The following FOXN3 variants were observed in gnomAD, a reference collection of about 807,000 sequenced individuals.
FOXN3 encodes forkhead box protein N3.
A neutral mutation model predicts 38.4 loss-of-function variants in FOXN3; 7 were observed. The ratio of observed to expected loss-of-function variants is 0.18; its 90% CI spans 0.10 to 0.34. FOXN3 has a LOEUF of 0.34. Among genes scored for constraint, FOXN3 ranks in the 10% least tolerant of loss-of-function variants. The probability of loss-of-function intolerance (pLI) is 1.00; values close to 1 mark genes in which losing one functional copy is unlikely to be tolerated. For synonymous variants in FOXN3, 230 were observed against 242.2 expected (o/e 0.95, Z 0.47); for missense variants, 456 against 613.4 (o/e 0.74, Z 2.71).
At position 89,546,268 on chromosome 14, in the gene FOXN3, C is replaced by T. The variant is rs367613832; in HGVS notation, c.-15+72760G>A. On this transcript the variant is annotated intron_variant, in intron 1 of 6. Coordinates refer to the FOXN3 transcript ENST00000345097. ...CAGAGAATTATTCAGTAAGGAGAAG[C>T]CATGGAAAAATTAAGAGGAAATGAT... Among the ~76,000 whole-genome samples the T allele has an allele frequency of 7.3e-5, 11 of 150,760 alleles. No individual in the cohort carries two copies. In the South Asian group the frequency reaches 1.3e-3, roughly 17 times the overall value.
intron 1 of FOXN3, among the ~76,000 whole-genome samples, chr14:89,461,770 C>T (rs1292701499): frequency 6.6e-6 from 1 of 151,990 alleles, no homozygotes; most frequent in Non-Finnish European, 1.5e-5. Context: ...TCTGGACAGA[C>T]CTTGAAAGAT....
At chr14:89,285,379 C>T (rs1472539520) in intron 3 of FOXN3, among the ~76,000 whole-genome samples, 1 of 152,078 alleles carries the variant, frequency 6.6e-6, no homozygotes, top group African/African-American at 2.4e-5. Context: ...ATTAGCCAGG[C>T]ATGGTGGCGC....
At chr14:89,255,943 A>C (rs1260474644) in intron 4 of FOXN3, among the ~76,000 whole-genome samples, 1 of 152,128 alleles carries the variant, frequency 6.6e-6, no homozygotes, top group Non-Finnish European at 1.5e-5. Flanking sequence ...TTTGCAATGT[A>C]CCAAGGCACC....
At chr14:89,583,952 G>A (rs1895795093) in intron 1 of FOXN3, among the ~76,000 whole-genome samples, 1 of 151,752 alleles carries the variant, frequency 6.6e-6, no homozygotes, top group Admixed American at 6.6e-5. Flanking sequence ...CGCCTCCCGG[G>A]TTCAAGCAAT....
At chr14:89,464,073 C>T (rs10083413) in intron 1 of FOXN3, among the ~76,000 whole-genome samples, 40,054 of 152,060 alleles carry the variant, frequency 0.26, 5,535 homozygotes, top group Admixed American at 0.38. Context: ...CATGAGCCAC[C>T]GCGCCCGGCC....
intron 2 of FOXN3, among the ~76,000 whole-genome samples, chr14:89,375,806 G>T (rs571116292): frequency 2.6e-5 from 4 of 151,878 alleles, no homozygotes; most frequent in Admixed American, 2.0e-4. Flanking sequence ...TTTTGCTCTC[G>T]TTGCCCAGGC....
chr14:89,191,745 G>A (rs1887948398), intron 4 of FOXN3, among the ~76,000 whole-genome samples: 1 of 147,848 alleles, frequency 6.8e-6, no homozygotes, highest in African/African-American at 2.5e-5. Context: ...CCCGAAAACA[G>A]GGTCTCAAAA....
At chr14:89,576,463 C>G (rs1246876443) in intron 1 of FOXN3, 1 of 151,226 alleles carries the variant, frequency 6.6e-6, no homozygotes, top group African/African-American at 2.4e-5. Flanking sequence ...AATTATATAA[C>G]ACTCAGACAA....
intron 1 of FOXN3, among the ~76,000 whole-genome samples, chr14:89,437,441 A>T (rs919616377): frequency 6.6e-6 from 1 of 152,102 alleles, no homozygotes; most frequent in Non-Finnish European, 1.5e-5. Context: ...CCACTCCAAG[A>T]TCAGGTGCTG....
At chr14:89,219,371 TCTTTA>T (rs1477438935) in intron 4 of FOXN3, among the ~76,000 whole-genome samples, 2 of 152,218 alleles carry the variant, frequency 1.3e-5, no homozygotes, top group African/African-American at 4.8e-5. Context: ...CAGTTAAACC[TCTTTA>T]CTTTATAAAT....
chr14:89,326,197 C>A (rs1401388185), intron 3 of FOXN3, among the ~76,000 whole-genome samples: 3 of 152,160 alleles, frequency 2.0e-5, no homozygotes, highest in African/African-American at 7.2e-5. Flanking sequence ...GAGCACACAC[C>A]TTCTTTTATA....
chr14:89,401,861 A>G (rs1891256104), intron 2 of FOXN3, among the ~76,000 whole-genome samples: 1 of 152,188 alleles, frequency 6.6e-6, no homozygotes, highest in South Asian at 2.1e-4. Flanking sequence ...GGGAAATCCC[A>G]CACACCCTGT....
chr14:89,415,355 A>G (rs1197893264), intron 1 of FOXN3, among the ~76,000 whole-genome samples: 2 of 152,148 alleles, frequency 1.3e-5, no homozygotes, highest in Admixed American at 6.5e-5. Flanking sequence ...CTAACACGCT[A>G]TTCTCCATGT....
At chr14:89,503,034 A>G (rs995347877) in intron 1 of FOXN3, among the ~76,000 whole-genome samples, 4 of 152,196 alleles carry the variant, frequency 2.6e-5, no homozygotes, top group Non-Finnish European at 4.4e-5. Context: ...CCTACAAACT[A>G]AACTCAGCCC....
intron 2 of FOXN3, among the ~76,000 whole-genome samples, chr14:89,363,967 T>TATTATATATATATATATATATATATA (rs1890022644): frequency 1.0e-5 from 1 of 98,612 alleles, no homozygotes; most frequent in African/African-American, 5.3e-5. Flanking sequence ...TATATATATA[T>TATTATATATATATATATATATATATA]ATATATATAT....
chr14:89,336,817 T>C (rs1283770677), intron 3 of FOXN3, among the ~76,000 whole-genome samples: 1 of 152,222 alleles, frequency 6.6e-6, no homozygotes, highest in African/African-American at 2.4e-5. Flanking sequence ...GAATATCGGA[T>C]GGAAATAGAT....
intron 1 of FOXN3, among the ~76,000 whole-genome samples, chr14:89,572,241 C>G (rs1178911458): frequency 6.6e-6 from 1 of 152,132 alleles, no homozygotes; most frequent in African/African-American, 2.4e-5. Context: ...TAAATCAAGT[C>G]AAAGGTTAAA....
intron 4 of FOXN3, among the ~76,000 whole-genome samples, chr14:89,253,412 G>A (rs915528351): frequency 1.3e-5 from 2 of 152,072 alleles, no homozygotes; most frequent in African/African-American, 2.4e-5. Context: ...TCACCACTCC[G>A]TGAGGCGTGA....
chr14:89,317,490 AG>A lies in FOXN3; in HGVS notation c.680+33181del, dbSNP rs551741834. Among the ~76,000 whole-genome samples, 150 of 152,304 alleles carry A rather than the reference AG, an allele frequency of 9.8e-4. 1 individual carries two copies. Among genetic ancestry groups the A allele is most frequent in the African/African-American group, 3.5e-3 (147 of 41,574 alleles). On this transcript the variant is annotated intron_variant, in intron 3 of 5. Coordinates refer to ENST00000557258, the MANE Select transcript of FOXN3 (RefSeq NM_005197.4). ...ATTAGACAGTCATTGTACTTCTGAA[AG>A]TGCCTGTTTCCTGTTAAGCAGCTCA...
Sources: allele counts gnomAD v4.1 joint callset (sites outside exome capture counted in the v4.1 genomes callset), GRCh38; gene constraint gnomAD v4.1.1; transcripts MANE v1.5; gene names NCBI Gene and HGNC (gene_info 2026-07-23, HGNC 2026-07-21).